The following REXO1 variants were observed in gnomAD, a reference collection of about 807,000 sequenced individuals.
REXO1 encodes the protein REX1, RNA exonuclease 1 homolog.
In REXO1, 42 loss-of-function variants were observed where a neutral mutation model predicts 102.6. That is an observed-to-expected ratio of 0.41 (90% CI 0.32 to 0.53). The LOEUF (loss-of-function observed/expected upper bound fraction) is 0.53, where lower values mean the gene tolerates loss of function less well. Among genes scored for constraint, REXO1 ranks in the 20% least tolerant of loss-of-function variants. The pLI is 0.27. For missense variants in REXO1, 1,819 were observed against 1,732.5 expected (o/e 1.05, Z -0.89); for synonymous variants, 908 against 779.1 (o/e 1.17, Z -2.76).
At chr19:1,831,776 C>T (rs1339739910) in intron 1 of REXO1, among the ~76,000 whole-genome samples, 3 of 137,926 alleles carry the variant, frequency 2.2e-5, no homozygotes, top group Admixed American at 8.1e-5. Context: ...ACCTGGGAGG[C>T]GGAAGTTGCA....
chr19:1,835,479 T>C (rs2070013151), intron 1 of REXO1, among the ~76,000 whole-genome samples: 1 of 152,066 alleles, frequency 6.6e-6, no homozygotes, highest in African/African-American at 2.4e-5. Context: ...ACCTGGGAAG[T>C]GGAGGTTGCA....
chr19:1,817,078 G>A, intron 12 of REXO1, 141 bp downstream of exon 12: 5 of 1,044,112 alleles, frequency 4.8e-6, no homozygotes, highest in Admixed American at 2.5e-5. Context: ...GTCCAGGGCA[G>A]GAGCCACAGG....
In REXO1 at chr19:1,848,272, GCAGTAGGGCCGC is replaced by G; in HGVS notation, c.75_86del (p.Arg26_Cys29del). On this transcript the variant is annotated inframe_deletion, in exon 1 of 16. Coordinates refer to ENST00000170168, the MANE Select transcript of REXO1 (RefSeq NM_020695.4). ...CCCGGGCCCCGCGGTGCCGGAAGTGGCAGTAGGGCCGCCGGCAGGGCCCCCCGGGCGCCCCAG... is the reference window on the plus strand; with the variant it reads ...CCCGGGCCCCGCGGTGCCGGAAGTGGCGGCAGGGCCCCCCGGGCGCCCCAG... 4 of 1,232,480 alleles carry G rather than the reference GCAGTAGGGCCGC, an allele frequency of 3.2e-6. No homozygotes were observed. The highest frequency in any genetic ancestry group is 4.1e-6 in the Non-Finnish European group (4 of 982,786). 76.3% of individuals were successfully genotyped at this position (1,232,480 alleles called of 1,614,324 possible).
chr19:1,827,033 A>T lies in REXO1; in HGVS notation c.1756T>A (p.Ser586Thr), dbSNP rs572869483. Residue 586 changes from serine (S) to threonine (T), a missense_variant, in exon 2 of 16, where the codon TCC (serine) becomes ACC (threonine). Coordinates refer to ENST00000170168, the MANE Select transcript of REXO1 (RefSeq NM_020695.4). ...CCCGCGCTGGAGGTGGAGGAGGAGG[A>T]GGAGGAGGAGGAGGATGGGGCGGGG... ...PSPAPSSSSS[S>T]SSSTSSAGAD... 9.1e-7 allele frequency: 1 copy of T among 1,098,314 alleles called. No homozygotes were observed. Among genetic ancestry groups the T allele is most frequent in the Non-Finnish European group, 1.3e-6 (1 of 760,006 alleles). The allele number at this position is 1,098,314 out of a possible 1,614,324, so 68.0% of individuals were successfully genotyped here. A position where few individuals can be genotyped will look rare whatever the true frequency, so the allele number is the denominator to read the frequency against.
intron 1 of REXO1, among the ~76,000 whole-genome samples, chr19:1,842,229 AAGC>A (rs1486168976): frequency 6.6e-6 from 1 of 151,626 alleles, no homozygotes; most frequent in Non-Finnish European, 1.5e-5. Flanking sequence ...AAAAAAAAAA[AAGC>A]AGCAGCAGCA....
intron 12 of REXO1, 179 bp downstream of exon 12, chr19:1,817,040 T>C (rs937608208): frequency 9.8e-6 from 8 of 819,600 alleles, no homozygotes; most frequent in Non-Finnish European, 1.5e-5. Flanking sequence ...CCGGTGTGCT[T>C]GGCTCTGCTG....
chr19:1,847,711 C>G (rs1315635911), intron 1 of REXO1, among the ~76,000 whole-genome samples: 1 of 152,236 alleles, frequency 6.6e-6, no homozygotes, highest in African/African-American at 2.4e-5. Flanking sequence ...AAGAGACGAT[C>G]CTCGGACCAT....
chr19:1,831,816 T>C (rs1322689720), intron 1 of REXO1, among the ~76,000 whole-genome samples: 1 of 125,138 alleles, frequency 8.0e-6, no homozygotes, highest in African/African-American at 3.3e-5. Context: ...TTGCACTCTA[T>C]CCTGGGCAAC....
chr19:1,828,705 T>A, intron 1 of REXO1, 74 bp from the exon 2 acceptor site: 1 of 1,473,822 alleles, frequency 6.8e-7, no homozygotes, highest in Non-Finnish European at 9.0e-7. Context: ...GGCCCCGGTC[T>A]CAAACTGCAG....
At position 1,816,657 on chromosome 19, in the gene REXO1, G is replaced by A. The variant is rs201565031; in HGVS notation, c.3317+41C>T. 35 of 1,601,788 alleles carry A rather than the reference G, an allele frequency of 2.2e-5. No individual in the cohort carries two copies. The African/African-American group carries it at 2.4e-4, about 11-fold the overall frequency. ...GGAGGGTGGGTCCCTGGGGAGAGGC[G>A]GCTGGGAGGGCTCCCAGCTCGTGGA... On this transcript the variant is annotated intron_variant, in intron 13 of 15. Transcript: ENST00000170168.
intron 4 of REXO1, chr19:1,823,203 TCACACGCCAGGAGAAAGC>T: frequency 4.0e-6 from 1 of 248,988 alleles, no homozygotes; most frequent in Non-Finnish European, 7.6e-6. Flanking sequence ...CGCCCCCCAC[TCACACGCCAGGAGAAAGC>T]CACACCTGCA....
rs748024158 is a variant in REXO1, at chr19:1,827,878, GCCGTGGTGGGCTCGTTACCTGGGA to G, written c.887_910del (p.Val296_Thr303del). 5.0e-6 allele frequency: 8 copies of G among 1,613,564 alleles called. No homozygotes were observed. The highest frequency in any genetic ancestry group is 4.0e-5 in the African/African-American group (3 of 74,928). On this transcript the variant is annotated inframe_deletion, in exon 2 of 16. Coordinates refer to ENST00000170168, the MANE Select transcript of REXO1 (RefSeq NM_020695.4). ...GTCGGCCCTGGCTTTGGGGGTGCTG[GCCGTGGTGGGCTCGTTACCTGGGA>G]CCGTGGCGGCCTCATCTTCTGAGTC... is the stretch of plus-strand genomic sequence containing the variant.
Position 1,816,056 on chromosome 19 carries a change from C to A in REXO1, c.*10G>T. ...GACGGCAGGAGAGGCGGGTGGGAGG[C>A]GGGCAGGCGTCATCGCTTGGTCTTG... On this transcript the variant is annotated 3_prime_UTR_variant, in exon 16 of 16. Transcript: ENST00000170168. The A allele has an allele frequency of 6.5e-7, 1 of 1,540,142 alleles. No homozygotes were observed. The highest frequency in any genetic ancestry group is 8.7e-7 in the Non-Finnish European group (1 of 1,146,846).
intron 1 of REXO1, among the ~76,000 whole-genome samples, chr19:1,829,173 G>A (rs559394400): frequency 2.4e-4 from 37 of 152,350 alleles, no homozygotes; most frequent in Admixed American, 9.8e-4. Context: ...GTGTGCCTGC[G>A]GTGATGTGGC....
intron 1 of REXO1, among the ~76,000 whole-genome samples, chr19:1,832,876 A>G (rs1004624564): frequency 1.4e-5 from 2 of 142,534 alleles, no homozygotes; most frequent in African/African-American, 5.3e-5. Context: ...AGATCACACC[A>G]CTACACTCCA....
At chr19:1,835,695 C>T (rs1411708699) in intron 1 of REXO1, among the ~76,000 whole-genome samples, 1 of 152,112 alleles carries the variant, frequency 6.6e-6, no homozygotes, top group Non-Finnish European at 1.5e-5. Flanking sequence ...CCAGGTCAGT[C>T]TGTTTCTGGG....
At chr19:1,824,566 T>G (rs558459752) in intron 3 of REXO1, 2 of 152,080 alleles carry the variant, frequency 1.3e-5, no homozygotes, top group African/African-American at 4.8e-5. Context: ...CCAGACGGAG[T>G]TTGAGGCACT....
chr19:1,816,678 G>T lies in REXO1; in HGVS notation c.3317+20C>A, dbSNP rs768065363. ...AGGCGGCTGGGAGGGCTCCCAGCTCGTGGAGGGCACTGGCCACACCTGGTG... is the reference window on the plus strand; with the variant it reads ...AGGCGGCTGGGAGGGCTCCCAGCTCTTGGAGGGCACTGGCCACACCTGGTG... On this transcript the variant is annotated intron_variant, in intron 13 of 15. Coordinates refer to ENST00000170168, the MANE Select transcript of REXO1 (RefSeq NM_020695.4). 3.1e-6 allele frequency: 5 copies of T among 1,609,216 alleles called. No homozygotes were observed. Among genetic ancestry groups the T allele is most frequent in the Non-Finnish European group, 4.2e-6 (5 of 1,177,090 alleles).
At chr19:1,843,583 G>A (rs1487787746) in intron 1 of REXO1, among the ~76,000 whole-genome samples, 7 of 152,236 alleles carry the variant, frequency 4.6e-5, no homozygotes, top group Non-Finnish European at 7.4e-5. Context: ...AGGCGGCCCC[G>A]GTGGCCCGAT....
Sources: allele counts gnomAD v4.1 joint callset (sites outside exome capture counted in the v4.1 genomes callset), GRCh38; gene constraint gnomAD v4.1.1; transcripts MANE v1.5; gene names NCBI Gene and HGNC (gene_info 2026-07-23, HGNC 2026-07-21).